The following PREX1 variants were observed in gnomAD, a reference collection of about 807,000 sequenced individuals.
PREX1 encodes the protein phosphatidylinositol-3,4,5-trisphosphate dependent Rac exchange factor 1, also known as phosphatidylinositol 3,4,5-trisphosphate-dependent Rac exchanger 1 protein.
A neutral mutation model predicts 198.3 loss-of-function variants in PREX1; 41 were observed. That is an observed-to-expected ratio of 0.21 (90% CI 0.16 to 0.27). The LOEUF is 0.27. PREX1 is among the 10% of genes least tolerant of loss of function. The pLI is 1.00. For synonymous variants in PREX1, 843 were observed against 887.2 expected, an observed-to-expected ratio of 0.95 and a Z score of 0.89; for missense variants, 1,620 against 2,200.7, an observed-to-expected ratio of 0.74 and a Z score of 5.28.
chr20:48,738,753 G>T (rs2090068317), intron 3 of PREX1, among the ~76,000 whole-genome samples: 1 of 152,142 alleles, frequency 6.6e-6, no homozygotes, highest in East Asian at 1.9e-4. Flanking sequence ...AAGGCTCAAG[G>T]ATTGTGAGAG....
At chr20:48,862,019 G>C in the PREX1 span, among the ~76,000 whole-genome samples, 1 of 152,106 alleles carries the variant, frequency 6.6e-6, no homozygotes, top group Non-Finnish European at 1.5e-5. Flanking sequence ...AGACCAGCCT[G>C]ACCAACATGG....
chr20:48,651,633 A>G (rs1307744227), intron 21 of PREX1, 50 bp from the exon 22 acceptor site: 6 of 1,559,402 alleles, frequency 3.8e-6, no homozygotes, highest in Admixed American at 1.8e-5. Context: ...GGGAGGGAGG[A>G]AGGCGAGGCG....
intron 7 of PREX1, 128 bp downstream of exon 7, chr20:48,700,625 C>A: frequency 1.6e-6 from 2 of 1,251,444 alleles, no homozygotes; most frequent in Non-Finnish European, 2.3e-6. Flanking sequence ...TCCTACTAGA[C>A]AGCACTGATG....
chr20:48,884,117 C>G, the PREX1 span, among the ~76,000 whole-genome samples: 1 of 139,822 alleles, frequency 7.2e-6, no homozygotes, highest in African/African-American at 2.7e-5. Flanking sequence ...CCAGCCTGGA[C>G]GACAGAGCAA....
At chr20:48,817,659 C>T (rs2090464762) in intron 1 of PREX1, among the ~76,000 whole-genome samples, 1 of 152,180 alleles carries the variant, frequency 6.6e-6, no homozygotes, top group African/African-American at 2.4e-5. Context: ...AAAAATTCTC[C>T]TGTGCAAAAT....
chr20:48,648,141 A>G (rs1195175690), intron 25 of PREX1, among the ~76,000 whole-genome samples: 1 of 152,138 alleles, frequency 6.6e-6, no homozygotes, highest in Non-Finnish European at 1.5e-5. Context: ...TCCTGGGCTC[A>G]AGGAATCCCT....
At chr20:48,687,128 C>T (rs1222010944) in intron 10 of PREX1, among the ~76,000 whole-genome samples, 1 of 152,256 alleles carries the variant, frequency 6.6e-6, no homozygotes, top group Non-Finnish European at 1.5e-5. Context: ...GGTTCCCCTG[C>T]ACAGTTCAGG....
intron 1 of PREX1, among the ~76,000 whole-genome samples, chr20:48,779,345 T>C (rs1394052064): frequency 6.6e-6 from 1 of 152,188 alleles, no homozygotes. Flanking sequence ...CAATACCAAG[T>C]GCTGATGAGG....
At chr20:48,740,758 A>T (rs542085760) in intron 3 of PREX1, among the ~76,000 whole-genome samples, 42 of 152,380 alleles carry the variant, frequency 2.8e-4, no homozygotes, top group African/African-American at 1.0e-3. Flanking sequence ...TGTATCACAC[A>T]CTGAGAACGC....
At chr20:48,851,367 C>T in the PREX1 span, among the ~76,000 whole-genome samples, 2 of 152,064 alleles carry the variant, frequency 1.3e-5, no homozygotes, top group Non-Finnish European at 2.9e-5. Context: ...ATTACCCAGG[C>T]GTGGTGGCAG....
chr20:48,735,787 A>C (rs920200754), intron 3 of PREX1, among the ~76,000 whole-genome samples: 1 of 152,176 alleles, frequency 6.6e-6, no homozygotes, highest in Non-Finnish European at 1.5e-5. Context: ...CCGCTAGTGC[A>C]GTGGCAGAAC....
At chr20:48,800,744 T>G (rs78756118) in intron 1 of PREX1, among the ~76,000 whole-genome samples, 5,020 of 152,232 alleles carry the variant, frequency 0.033, 117 homozygotes, top group Non-Finnish European at 0.043. Context: ...TGGTACATAC[T>G]GAACACGGGC....
chr20:48,859,131 C>G, the PREX1 span, among the ~76,000 whole-genome samples: 1 of 152,198 alleles, frequency 6.6e-6, no homozygotes, highest in South Asian at 2.1e-4. Flanking sequence ...GAACTCCTGA[C>G]CTCAAGCGAT....
chr20:48,649,201 C>T (rs777976318), intron 25 of PREX1, 99 bp downstream of exon 25: 1 of 1,310,404 alleles, frequency 7.6e-7, no homozygotes, highest in East Asian at 2.6e-5. Context: ...GGACAGCCCA[C>T]CCCCCACTAC....
chr20:48,769,277 G>C (rs993060854), intron 1 of PREX1, among the ~76,000 whole-genome samples: 1 of 152,130 alleles, frequency 6.6e-6, no homozygotes, highest in Admixed American at 6.5e-5. Context: ...GTGGTGGTGC[G>C]GGGGAGGGGA....
At chr20:48,639,173 G>A (rs1201024555) in intron 30 of PREX1, among the ~76,000 whole-genome samples, 1 of 152,226 alleles carries the variant, frequency 6.6e-6, no homozygotes, top group Admixed American at 6.5e-5. Context: ...GGGGTGAACT[G>A]GAAAGCACCT....
chr20:48,837,510 T>C, the PREX1 span, among the ~76,000 whole-genome samples: 2 of 152,198 alleles, frequency 1.3e-5, no homozygotes, highest in African/African-American at 4.8e-5. Context: ...CAAGATCATG[T>C]CCTTGGCAGG....
At position 48,734,623 on chromosome 20, in the gene PREX1, A is replaced by G; in HGVS notation, c.442T>C (p.Tyr148His). The part of the protein sequence containing the change: ...FKDKFCVYEE[Y>H]CSNHEKALRL... The stretch of plus-strand genomic sequence containing the variant: ...AGGGCTTTCTCATGGTTGCTGCAAT[A>G]CTCCTCGTACACGCAGAACTTGTCC... Residue 148 changes from tyrosine to histidine, a missense_variant, in exon 4 of 40, where the codon TAT (tyrosine) becomes CAT (histidine). By Grantham distance (83) the Tyr-to-His change is moderately conservative (BLOSUM62 2). Around this residue, in one of 7 missense-constraint regions of PREX1, gnomAD observed 488 missense variants for 802.5 expected, o/e 0.61. Transcript: ENST00000371941. 1 of 1,613,922 alleles carries G rather than the reference A, an allele frequency of 6.2e-7. No homozygotes were observed. The highest frequency in any genetic ancestry group is 8.5e-7 in the Non-Finnish European group (1 of 1,179,942).
chr20:48,753,452 G>A (rs1384934468), intron 1 of PREX1, among the ~76,000 whole-genome samples: 1 of 152,132 alleles, frequency 6.6e-6, no homozygotes, highest in Non-Finnish European at 1.5e-5. Flanking sequence ...TGTCACAACT[G>A]AGGACAGGGG....
Sources: gnomAD v4.1 joint callset for allele counts (sites outside exome capture counted in the v4.1 genomes callset) on GRCh38, gnomAD v4.1.1 for gene constraint, gnomAD v4.1.1 regional missense constraint, MANE v1.5 for transcripts, NCBI Gene and HGNC (gene_info 2026-07-23, HGNC 2026-07-21) for gene names.